The following ENO3 variants were observed in gnomAD, a reference collection of about 807,000 sequenced individuals.
ENO3 encodes the protein enolase 3.
A neutral mutation model predicts 47.7 loss-of-function variants in ENO3; 46 were observed. The observed-to-expected ratio is 0.96, with a 90% confidence interval of 0.76 to 1.23. ENO3 has a LOEUF of 1.23. Among genes scored for constraint, ENO3 ranks in the 50% most tolerant of loss-of-function variants. The pLI, the probability that ENO3 is intolerant of heterozygous loss-of-function variation, is 0.00. For missense variants in ENO3, 575 were observed against 566.2 expected, an observed-to-expected ratio of 1.02 and a Z score of -0.16; for synonymous variants, 223 against 225.9, an observed-to-expected ratio of 0.99 and a Z score of 0.11.
Position 4,955,299 on chromosome 17 carries a change from T to A in ENO3, c.667+2T>A. The stretch of plus-strand genomic sequence containing the variant: ...CCAACATCCTGGAGAACAATGAGGG[T>A]CAGTGCTGAGCACCCTGGGGGGCAG... On this transcript the variant is annotated splice_donor_variant, in intron 7 of 11. Coordinates refer to ENST00000519602, the MANE Select transcript of ENO3 (RefSeq NM_053013.4). LOFTEE classifies it high-confidence loss of function. 6.2e-7 allele frequency: 1 copy of A among 1,614,222 alleles called. No individual in the cohort carries two copies. Among genetic ancestry groups the A allele is most frequent in the Non-Finnish European group, 8.5e-7 (1 of 1,180,032 alleles).
chr17:4,954,080 A>G (rs1971643295), intron 6 of ENO3: 1 of 635,792 alleles, frequency 1.6e-6, no homozygotes, highest in East Asian at 2.9e-5. Flanking sequence ...TTCCCATTCC[A>G]ATCCTAGGCT....
At chr17:4,949,905 C>T (rs1351645638), upstream of ENO3, among the ~76,000 whole-genome samples, 1 of 152,040 alleles carries the variant, frequency 6.6e-6, no homozygotes, top group Non-Finnish European at 1.5e-5. Context: ...TGGCGGCGCT[C>T]CCCGCCCGCC....
At chr17:4,949,543 G>A (rs958564444), upstream of ENO3, among the ~76,000 whole-genome samples, 1 of 151,848 alleles carries the variant, frequency 6.6e-6, no homozygotes, top group Admixed American at 6.6e-5. Context: ...TTTTCAAGAA[G>A]GGGAAAGTCC....
rs777965106 is a variant in ENO3 at position 4,956,122 on chromosome 17, C to T, written c.1046C>T (p.Ser349Leu). Residue 349 changes from serine (S) to leucine (L), a missense_variant, in exon 9 of 12, where the codon TCG becomes TTG. Transcript: ENST00000519602. ...CLLLKVNQIG[S>L]VTESIQACKL... ...CTGCTGAAGGTCAACCAGATCGGCTCGGTGACCGAATCGATCCAGGCGTGA... is the reference window on the plus strand; with the variant it reads ...CTGCTGAAGGTCAACCAGATCGGCTTGGTGACCGAATCGATCCAGGCGTGA... The T allele has an allele frequency of 5.6e-6, 9 of 1,613,894 alleles. No individual in the cohort carries two copies. The highest frequency in any genetic ancestry group is 3.3e-5 in the South Asian group (3 of 91,056).
At chr17:4,952,685 C>T (rs1230711229) in intron 2 of ENO3, 110 bp from the exon 3 acceptor site, 4 of 1,104,988 alleles carry the variant, frequency 3.6e-6, no homozygotes, top group Non-Finnish European at 4.0e-6. Flanking sequence ...TGGTCTTGAA[C>T]TCCTGATCTC....
rs1452712499 is a variant in ENO3 at position 4,955,279 on chromosome 17, A to G, written c.649A>G (p.Ile217Val). The G allele has an allele frequency of 6.2e-7, 1 of 1,614,254 alleles. No homozygotes were observed. The highest frequency in any genetic ancestry group is 1.1e-5 in the South Asian group (1 of 91,092). Reference protein sequence around the residue: ...VGDEGGFAPNILENNEALELL... With the variant: ...VGDEGGFAPNVLENNEALELL... ...TGATGAAGGTGGCTTCGCACCCAAC[A>G]TCCTGGAGAACAATGAGGGTCAGTG... is the stretch of plus-strand genomic sequence containing the variant. The change falls in exon 7 of 12, where the codon ATC becomes GTC. Residue 217 changes from isoleucine (I) to valine (V), a missense_variant. Transcript: ENST00000519602.
intron 4 of ENO3, 37 bp from the exon 5 acceptor site, chr17:4,953,235 T>A (rs747034249): frequency 6.2e-7 from 1 of 1,613,856 alleles, no homozygotes; most frequent in Non-Finnish European, 8.5e-7. Context: ...CTGAGAAATC[T>A]GACCTCTGCT....
chr17:4,952,287 G>A, intron 2 of ENO3: 2 of 361,524 alleles, frequency 5.5e-6, no homozygotes, highest in South Asian at 4.3e-5. Flanking sequence ...AGTGATTCTT[G>A]TGCCTCAGCC....
At chr17:4,950,905 CA>C (rs1971521911), upstream of ENO3, among the ~76,000 whole-genome samples, 1 of 152,224 alleles carries the variant, frequency 6.6e-6, no homozygotes, top group Admixed American at 6.5e-5. Flanking sequence ...GGAATTAGAA[CA>C]GGGACTGTTA....
rs979584311 is a variant in ENO3 at position 4,957,034 on chromosome 17, C to T, written c.1292C>T (p.Pro431Leu). 7 of 1,614,000 alleles carry T rather than the reference C, an allele frequency of 4.3e-6. No homozygotes were observed. In the African/African-American group the frequency reaches 6.7e-5, roughly 15 times the overall value. ...AIFAGRKFRN[P>L]KAK ...TTTGCTGGACGCAAGTTCCGTAACC[C>T]GAAGGCCAAGTGAGAAGCTGGAGGC... Residue 431 changes from proline (P) to leucine (L), a missense_variant, in exon 12 of 12, where the codon CCG becomes CTG. Physicochemically the swap from Pro to Leu is moderately conservative, Grantham distance 98. Coordinates refer to ENST00000519602, the MANE Select transcript of ENO3 (RefSeq NM_053013.4).
chr17:4,951,269 T>C, intron 1 of ENO3, 87 bp downstream of exon 1: 1 of 1,007,986 alleles, frequency 9.9e-7, no homozygotes, highest in Non-Finnish European at 1.2e-6. Flanking sequence ...CATTTCTGCT[T>C]TTTTTCCTCC....
Position 4,953,292 on chromosome 17 carries a change from A to G in ENO3, c.261A>G (p.Gln87=). The G allele has an allele frequency of 6.2e-7, 1 of 1,614,246 alleles. No homozygotes were observed. Among genetic ancestry groups the G allele is most frequent in the Non-Finnish European group, 8.5e-7 (1 of 1,180,040 alleles). The change falls in exon 5 of 12, where the codon CAA becomes CAG. Residue 87 remains glutamine (Q), a synonymous_variant. Coordinates refer to ENST00000519602, the MANE Select transcript of ENO3 (RefSeq NM_053013.4). ...LLQKKLSVVD[Q]EKVDKFMIEL... ...TCCAGAAACTAAGCGTTGTGGATCA[A>G]GAAAAAGTTGACAAATTTATGATTG...
At chr17:4,952,653 G>A (rs1158003791) in intron 2 of ENO3, 142 bp from the exon 3 acceptor site, 5 of 859,464 alleles carry the variant, frequency 5.8e-6, no homozygotes, top group East Asian at 5.4e-5. Context: ...TAGCAGAGAC[G>A]GTTTCGCCAT....
At chr17:4,953,147 A>G (rs1157560813) in intron 4 of ENO3, 38 bp downstream of exon 4, 6 of 1,614,048 alleles carry the variant, frequency 3.7e-6, no homozygotes, top group Non-Finnish European at 5.1e-6. Context: ...CCTCCTCCCC[A>G]TGCCCCTGCT....
chr17:4,952,711 C>G, intron 2 of ENO3, 84 bp from the exon 3 acceptor site: 1 of 1,345,746 alleles, frequency 7.4e-7, no homozygotes, highest in South Asian at 1.2e-5. Context: ...ATCCACCTGC[C>G]TAGGCCTCTC....
rs1039689541 is a variant in ENO3, at chr17:4,957,115, A to G, written c.*68A>G. On this transcript the variant is annotated 3_prime_UTR_variant, in exon 12 of 12. Transcript: ENST00000519602. ...TCCAGACCTGCTTCCTGAAATAAAC[A>G]CTGGTGCCAACCAAGACAGCTGTGT... is the stretch of plus-strand genomic sequence containing the variant. 6.3e-7 allele frequency: 1 copy of G among 1,587,838 alleles called. No homozygotes were observed. The highest frequency in any genetic ancestry group is 8.6e-7 in the Non-Finnish European group (1 of 1,158,682).
At chr17:4,949,437 G>A (rs1400249781), upstream of ENO3, 1 of 152,314 alleles carries the variant, frequency 6.6e-6, no homozygotes, top group Non-Finnish European at 1.5e-5. Context: ...CTTGGCCTGT[G>A]TCTGCAGAGG....
Position 4,955,245 on chromosome 17 carries a change from C to T in ENO3, c.615C>T (p.Thr205=), listed in dbSNP as rs752440976. ...AGGCCAAGTATGGGAAGGATGCCAC[C>T]AATGTGGGTGATGAAGGTGGCTTCG... is the stretch of plus-strand genomic sequence containing the variant. The part of the protein sequence containing the change: ...VIKAKYGKDA[T]NVGDEGGFAP... The change falls in exon 7 of 12, where the codon ACC becomes ACT. Residue 205 remains threonine, a synonymous_variant. Transcript: ENST00000519602. 6.2e-6 allele frequency: 10 copies of T among 1,614,284 alleles called. No homozygotes were observed. In the Admixed American group the frequency reaches 1.2e-4, roughly 19 times the overall value.
chr17:4,956,506 C>T (rs1971736030), intron 9 of ENO3, 67 bp from the exon 10 acceptor site: 3 of 1,521,994 alleles, frequency 2.0e-6, no homozygotes, highest in Non-Finnish European at 1.8e-6. Context: ...GGGAGAGGCC[C>T]CACCCAACCC....
Sources: gnomAD v4.1 joint callset for allele counts (sites outside exome capture counted in the v4.1 genomes callset) on GRCh38, gnomAD v4.1.1 for gene constraint, MANE v1.5 for transcripts, NCBI Gene and HGNC (gene_info 2026-07-23, HGNC 2026-07-21) for gene names.